Variants in LPIN2 observed in about 807,000 individuals in gnomAD.
LPIN2 encodes phosphatidate phosphatase LPIN2.
LPIN2 carries 55 observed loss-of-function variants against 111.4 expected under a neutral mutation model. That is an observed-to-expected ratio of 0.49 (90% CI 0.40 to 0.62). The LOEUF (loss-of-function observed/expected upper bound fraction) is 0.62, where lower values mean the gene tolerates loss of function less well. Ranked by LOEUF, LPIN2 falls within the 20% of genes least tolerant of loss-of-function variation. The probability of loss-of-function intolerance (pLI) is 0.00; values close to 1 mark genes in which losing one functional copy is unlikely to be tolerated. For missense variants in LPIN2, 992 were observed against 1,112.1 expected (o/e 0.89, Z 1.54); for synonymous variants, 425 against 414.0 (o/e 1.03, Z -0.32).
chr18:2,934,257 T>C (rs2077253515), intron 8 of LPIN2, 94 bp downstream of exon 8: 1 of 947,892 alleles, frequency 1.1e-6, no homozygotes, highest in Non-Finnish European at 1.7e-6. Context: ...AAGGACACCA[T>C]CATCTTGTTC....
intron 1 of LPIN2, among the ~76,000 whole-genome samples, chr18:2,968,220 A>G (rs968871505): frequency 6.6e-6 from 1 of 152,210 alleles, no homozygotes; most frequent in Non-Finnish European, 1.5e-5. Flanking sequence ...GAATACACCG[A>G]GTATCCAGAC....
chr18:2,990,506 CA>C (rs2078249283), intron 1 of LPIN2: 1 of 153,260 alleles, frequency 6.5e-6, no homozygotes, highest in Non-Finnish European at 1.5e-5. Context: ...AGAAGATATA[CA>C]AAATGGCAAA....
chr18:2,954,876 TGGG>T lies in LPIN2; in HGVS notation c.193-280_193-278del, dbSNP rs1329157478. 2.0e-5 allele frequency among the ~76,000 whole-genome samples: 3 copies of T among 151,534 alleles called. No homozygotes were observed. In the South Asian group the frequency reaches 6.3e-4, roughly 32 times the overall value. On this transcript the variant is annotated intron_variant, in intron 2 of 19. Transcript: ENST00000677752. Reference sequence around the variant, plus strand: ...TTAAAATTATTTTTCAAATTTAAAATGGGGGAAATATTATTGTCAAACATTTGC... The same window carrying T: ...TTAAAATTATTTTTCAAATTTAAAATGGAAATATTATTGTCAAACATTTGC...
rs200365379 is a variant in LPIN2, at chr18:2,970,012, G to T, written c.-9-9163C>A. ...ATGACAGCTGACCTGACTGTTTTAT[G>T]ATACTTAAATTCTAGAACTGGCAGT... On this transcript the variant is annotated intron_variant, in intron 1 of 19. Coordinates refer to ENST00000677752, the MANE Select transcript of LPIN2 (RefSeq NM_001375808.2). Among the ~76,000 whole-genome samples the T allele has an allele frequency of 2.6e-5, 4 of 152,188 alleles. No homozygotes were observed. The East Asian group carries it at 7.7e-4, about 29-fold the overall frequency.
chr18:2,980,818 C>G (rs1055543233), intron 1 of LPIN2, among the ~76,000 whole-genome samples: 1 of 152,184 alleles, frequency 6.6e-6, no homozygotes, highest in African/African-American at 2.4e-5. Context: ...CAGCTCTAAA[C>G]TGCAGAAAAG....
intron 5 of LPIN2, among the ~76,000 whole-genome samples, 177 bp from the exon 6 acceptor site, chr18:2,939,780 TA>T (rs2077343837): frequency 6.6e-6 from 1 of 152,206 alleles, no homozygotes; most frequent in South Asian, 2.1e-4. Flanking sequence ...ATAATAATAA[TA>T]AAAATGACAC....
chr18:2,954,073 G>A (rs1378120344), intron 3 of LPIN2, among the ~76,000 whole-genome samples: 1 of 152,150 alleles, frequency 6.6e-6, no homozygotes, highest in Non-Finnish European at 1.5e-5. Context: ...CAAGGTGAGG[G>A]ATGTAATATC....
Position 2,931,374 on chromosome 18 carries a change from G to T in LPIN2, c.1338C>A (p.Ser446=), listed in dbSNP as rs753669833. 1 of 1,612,064 alleles carries T rather than the reference G, an allele frequency of 6.2e-7. No homozygotes were observed. Among genetic ancestry groups the T allele is most frequent in the Admixed American group, 1.7e-5 (1 of 59,682 alleles). Residue 446 remains serine (S), a synonymous_variant, in exon 9 of 20, where the codon TCC becomes TCA. Transcript: ENST00000677752. ...CGCTATCTGCAGCTGCGCTTCCCACGGACTGTGGGGACTGGGAGCCAGAGA... is the reference window on the plus strand; with the variant it reads ...CGCTATCTGCAGCTGCGCTTCCCACTGACTGTGGGGACTGGGAGCCAGAGA... ...DTLSGSQSPQ[S]VGSAAADSGT... is the part of the protein sequence containing the mutation.
chr18:2,924,468 C>A lies in LPIN2; in HGVS notation c.2017G>T (p.Ala673Ser). 6.2e-7 allele frequency: 1 copy of A among 1,614,150 alleles called. No individual in the cohort carries two copies. The highest frequency in any genetic ancestry group is 1.1e-5 in the South Asian group (1 of 91,082). ...TTQYQGTCRCAGTIYLWNWND... is the reference protein window; with the variant it reads ...TTQYQGTCRCSGTIYLWNWND... The stretch of plus-strand genomic sequence containing the variant: ...CAGTTCCACAGGTAAATGGTCCCTG[C>A]ACAGCGACAGGTGCCTTGATACTGG... The change falls in exon 15 of 20, where the codon GCA (alanine) becomes TCA (serine). Residue 673 changes from alanine to serine, a missense_variant. Coordinates refer to ENST00000677752, the MANE Select transcript of LPIN2 (RefSeq NM_001375808.2).
chr18:2,926,093 C>G (rs2077125848), intron 13 of LPIN2, among the ~76,000 whole-genome samples: 1 of 152,174 alleles, frequency 6.6e-6, no homozygotes, highest in South Asian at 2.1e-4. Flanking sequence ...CCATTGCACC[C>G]CAGCCTGAGT....
At chr18:2,955,498 C>T (rs57736281) in intron 2 of LPIN2, among the ~76,000 whole-genome samples, 4,382 of 152,262 alleles carry the variant, frequency 0.029, 193 homozygotes, top group African/African-American at 0.1. Context: ...GAGGGATCTG[C>T]CCCCATGATC....
intron 1 of LPIN2, among the ~76,000 whole-genome samples, chr18:2,984,264 G>C (rs1286468963): frequency 6.6e-6 from 1 of 152,112 alleles, no homozygotes; most frequent in Non-Finnish European, 1.5e-5. Context: ...TTGCCTTCTA[G>C]CCCAGCATAG....
chr18:2,995,252 C>T (rs542318323), intron 1 of LPIN2, among the ~76,000 whole-genome samples: 6 of 152,286 alleles, frequency 3.9e-5, no homozygotes, highest in African/African-American at 1.4e-4. Flanking sequence ...TTCTAGCCAT[C>T]AAGGAGCTAT....
intron 1 of LPIN2, among the ~76,000 whole-genome samples, chr18:2,982,478 G>A (rs1216447265): frequency 6.6e-6 from 1 of 152,114 alleles, no homozygotes; most frequent in Admixed American, 6.5e-5. Flanking sequence ...GTAAATGCAG[G>A]AGGGCAGGTA....
chr18:2,925,649 T>C lies in LPIN2; in HGVS notation c.1794-281A>G, dbSNP rs912752423. ...ATGCTAGAAGGTCTACTGACTCTTG[T>C]TGAAGAGGGTATGTATGTTTCACAA... is the stretch of plus-strand genomic sequence containing the variant. On this transcript the variant is annotated intron_variant, in intron 13 of 19. Coordinates refer to ENST00000677752, the MANE Select transcript of LPIN2 (RefSeq NM_001375808.2). The surrounding 1 kb of genome is among the most constrained non-coding windows in gnomAD (Gnocchi z 4.1). Among the ~76,000 whole-genome samples, 1 of 152,234 alleles carries C rather than the reference T, an allele frequency of 6.6e-6. No homozygotes were observed. Among genetic ancestry groups the C allele is most frequent in the Non-Finnish European group, 1.5e-5 (1 of 68,038 alleles).
At position 2,945,667 on chromosome 18, in the gene LPIN2, A is replaced by C. The variant is rs2077440049; in HGVS notation, c.591-4955T>G. On this transcript the variant is annotated intron_variant, in intron 4 of 19. Transcript: ENST00000677752. The stretch of plus-strand genomic sequence containing the variant: ...TTCAATCTTTGTTGCAGTCATAGTT[A>C]ATAACTTCGCTTTACATCAATCACA... The C allele has an allele frequency of 2.8e-6, 4 of 1,427,432 alleles. No homozygotes were observed. The Admixed American group carries it at 6.7e-5, about 24-fold the overall frequency. 88.4% of individuals were successfully genotyped at this position (1,427,432 alleles called of 1,614,324 possible).
At chr18:3,011,225 G>A (rs2078597020) in intron 1 of LPIN2, among the ~76,000 whole-genome samples, 1 of 152,152 alleles carries the variant, frequency 6.6e-6, no homozygotes, top group Admixed American at 6.5e-5. Context: ...CTTCTTAACA[G>A]TGCTTTACTA....
Position 2,918,860 on chromosome 18 carries a change from A to G in LPIN2, c.*1433T>C, listed in dbSNP as rs1568498881. On this transcript the variant is annotated 3_prime_UTR_variant, in exon 20 of 20. Transcript: ENST00000677752. ...GAGGTTCCACTACAACGGCAGGGGC[A>G]TGAAGAGTTGGCCACGAGACCACCC... 3 of 152,216 alleles carry G rather than the reference A, an allele frequency of 2.0e-5. No homozygotes were observed. Among genetic ancestry groups the G allele is most frequent in the Non-Finnish European group, 4.4e-5 (3 of 68,046 alleles). 9.4% of individuals were successfully genotyped at this position (152,216 alleles called of 1,614,324 possible). A position where few individuals can be genotyped will look rare whatever the true frequency, so the allele number is the denominator to read the frequency against.
intron 1 of LPIN2, chr18:3,011,734 G>A (rs2078607427): frequency 6.6e-6 from 1 of 152,256 alleles, no homozygotes; most frequent in South Asian, 2.1e-4. Context: ...CAACTACAAT[G>A]TAATTGGAGG....
Sources: gnomAD v4.1 joint callset for allele counts (sites outside exome capture counted in the v4.1 genomes callset) on GRCh38, gnomAD v4.1.1 for gene constraint, Gnocchi (gnomAD v3.1) non-coding constraint, MANE v1.5 for transcripts, NCBI Gene and HGNC (gene_info 2026-07-23, HGNC 2026-07-21) for gene names.